The following USP9Y variants were observed in gnomAD, a reference collection of about 807,000 sequenced individuals.
USP9Y encodes ubiquitin specific peptidase 9 Y-linked, also known as ubiquitin carboxyl-terminal hydrolase 9Y.
A neutral mutation model predicts 53.1 loss-of-function variants in USP9Y; 41 were observed. The observed-to-expected ratio is 0.77, with a 90% CI of 0.60 to 1.00. The LOEUF (loss-of-function observed/expected upper bound fraction) is 1.00, where lower values mean the gene tolerates loss of function less well. Ranked by LOEUF, USP9Y falls within the 50% of genes least tolerant of loss-of-function variation. The probability of loss-of-function intolerance (pLI) is 0.00; values close to 1 mark genes in which losing one functional copy is unlikely to be tolerated. For synonymous variants in USP9Y, 220 were observed against 173.7 expected, an observed-to-expected ratio of 1.27 and a Z score of -2.09; for missense variants, 567 against 535.8, an observed-to-expected ratio of 1.06 and a Z score of -0.58.
At chrY:12,702,833 A>G in intron 1 of USP9Y, among the ~76,000 whole-genome samples, 4 of 33,018 alleles carry the variant, frequency 1.2e-4, no homozygotes, top group African/African-American at 2.4e-4. Context: ...ATTAAATTCT[A>G]TAGATTTTTC....
intron 16 of USP9Y, among the ~76,000 whole-genome samples, chrY:12,772,990 A>C: frequency 3.0e-5 from 1 of 32,854 alleles, no homozygotes; most frequent in Non-Finnish European, 7.4e-5. Context: ...CAACCAAATA[A>C]AGAGACTGCT....
At position 12,708,646 on chromosome Y, in the gene USP9Y, C is replaced by T; in HGVS notation, c.-108C>T. The T allele has an allele frequency of 6.0e-5, 2 of 33,306 alleles. No individual in the cohort carries two copies. Among genetic ancestry groups the T allele is most frequent in the Non-Finnish European group, 1.5e-4 (2 of 13,512 alleles). The allele number at this position is 33,306 out of a possible 400,897, so 8.3% of individuals were successfully genotyped here. ...TCCTTATGTTTAGGTATTAAATTTTCACAGTATATATAAGGCAGCAATTGA... is the reference window on the plus strand; with the variant it reads ...TCCTTATGTTTAGGTATTAAATTTTTACAGTATATATAAGGCAGCAATTGA... On this transcript the variant is annotated 5_prime_UTR_variant, in exon 2 of 46. Transcript: ENST00000338981.
intron 3 of USP9Y, among the ~76,000 whole-genome samples, chrY:12,719,080 A>C: frequency 2.9e-5 from 1 of 33,986 alleles, no homozygotes; most frequent in Non-Finnish European, 7.3e-5. Flanking sequence ...AAAATCTTGC[A>C]ATAAAGAAAA....
At chrY:12,805,432 C>G (rs2053523463) in intron 27 of USP9Y, among the ~76,000 whole-genome samples, 1 of 33,207 alleles carries the variant, frequency 3.0e-5, no homozygotes, top group Non-Finnish European at 7.4e-5. Flanking sequence ...GTTGCTTCAG[C>G]AGGAGGAGGA....
intron 30 of USP9Y, among the ~76,000 whole-genome samples, chrY:12,812,137 G>C: frequency 1.2e-4 from 4 of 33,094 alleles, no homozygotes; most frequent in Non-Finnish European, 3.0e-4. Flanking sequence ...TTTTGTTACT[G>C]AACTTCTTAT....
chrY:12,856,594 A>G (rs1204125917), intron 43 of USP9Y, 39 bp from the exon 44 acceptor site: 3 of 385,682 alleles, frequency 7.8e-6, no homozygotes, highest in Non-Finnish European at 1.1e-5. Context: ...GATACTGAAA[A>G]TCATTCTAAA....
rs776569805 is a variant in USP9Y, at chrY:12,834,113, A to G, written c.5195+252A>G. Among the ~76,000 whole-genome samples the G allele has an allele frequency of 1.2e-4, 4 of 32,856 alleles. No individual in the cohort carries two copies. In the South Asian group the frequency reaches 2.0e-3, roughly 17 times the overall value. 88.1% of individuals were successfully genotyped at this position (32,856 alleles called of 37,273 possible). ...CCTGTGTCTTAAAATGGCATTTTCCATAAATCTACACTTATTCTTTAAATA... is the reference window on the plus strand; with the variant it reads ...CCTGTGTCTTAAAATGGCATTTTCCGTAAATCTACACTTATTCTTTAAATA... On this transcript the variant is annotated intron_variant, in intron 34 of 45. Coordinates refer to ENST00000338981, the MANE Select transcript of USP9Y (RefSeq NM_004654.4).
intron 30 of USP9Y, 46 bp from the exon 31 acceptor site, chrY:12,812,784 T>C (rs1440714298): frequency 3.6e-6 from 1 of 277,960 alleles, no homozygotes; most frequent in East Asian, 9.6e-5. Context: ...GTTCCTAACC[T>C]ATATTTTCTA....
intron 22 of USP9Y, among the ~76,000 whole-genome samples, chrY:12,785,911 G>GT (rs2053501161): frequency 1.4e-4 from 4 of 29,272 alleles, no homozygotes; most frequent in East Asian, 8.7e-4. Flanking sequence ...TTGGTTTTGG[G>GT]TTTTTTTTTT....
chrY:12,787,700 T>G, intron 24 of USP9Y, among the ~76,000 whole-genome samples: 2 of 33,518 alleles, frequency 6.0e-5, no homozygotes, highest in Admixed American at 5.4e-4. Flanking sequence ...AAGAAAGTGG[T>G]CTTGTACATG....
intron 22 of USP9Y, 22 bp downstream of exon 22, chrY:12,779,668 CT>C (rs763612619): frequency 5.1e-6 from 2 of 392,435 alleles, no homozygotes; most frequent in Admixed American, 1.5e-4. Flanking sequence ...GTCCATCCCC[CT>C]ATTCCACAGA....
chrY:12,835,208 C>T (rs777739409), intron 34 of USP9Y, among the ~76,000 whole-genome samples: 2 of 32,401 alleles, frequency 6.2e-5, no homozygotes, highest in Admixed American at 5.8e-4. Flanking sequence ...TGCCATAACA[C>T]CCAGCTAAAT....
chrY:12,735,070 CA>C (rs763856999), intron 7 of USP9Y, among the ~76,000 whole-genome samples: 45 of 5,566 alleles, frequency 8.1e-3, no homozygotes, highest in South Asian at 0.028. Context: ...ACTCCGTCTC[CA>C]AAAAAAAAAA....
chrY:12,792,957 A>G lies in USP9Y; in HGVS notation c.3814-75A>G, dbSNP rs752842684. The G allele has an allele frequency of 1.8e-4, 62 of 338,285 alleles. No individual in the cohort carries two copies. In the South Asian group the frequency reaches 1.9e-3, roughly 11 times the overall value. The allele number at this position is 338,285 out of a possible 400,897, so 84.4% of individuals were successfully genotyped here. The stretch of plus-strand genomic sequence containing the variant: ...GTCTTTACCAAGTAGGCAATTGTAA[A>G]TGTTAACCAGAGGGTTTGTGAATTT... On this transcript the variant is annotated intron_variant, in intron 26 of 45. Transcript: ENST00000338981.
chrY:12,811,867 G>A (rs932140540), intron 30 of USP9Y, 86 bp downstream of exon 30: 20 of 228,136 alleles, frequency 8.8e-5, no homozygotes, highest in Non-Finnish European at 1.3e-4. Flanking sequence ...TCAGCTCACC[G>A]CAGCCTCCAC....
chrY:12,717,301 G>C, intron 3 of USP9Y, among the ~76,000 whole-genome samples: 1 of 33,135 alleles, frequency 3.0e-5, no homozygotes, highest in Non-Finnish European at 7.4e-5. Context: ...GAGAAATCTA[G>C]TATCTCATGA....
intron 12 of USP9Y, among the ~76,000 whole-genome samples, chrY:12,750,870 A>T: frequency 3.0e-5 from 1 of 33,288 alleles, no homozygotes; most frequent in Non-Finnish European, 7.4e-5. Context: ...TTTTTAAGAA[A>T]CTGCCAAACT....
At position 12,791,635 on chromosome Y, in the gene USP9Y, T is replaced by G. The variant is rs747387443; in HGVS notation, c.3813+11T>G. 2.7e-6 allele frequency: 1 copy of G among 374,305 alleles called. No homozygotes were observed. The highest frequency in any genetic ancestry group is 3.2e-5 in the South Asian group (1 of 30,920). The allele number at this position is 374,305 out of a possible 400,897, so 93.4% of individuals were successfully genotyped here. On this transcript the variant is annotated intron_variant, in intron 26 of 45. Coordinates refer to ENST00000338981, the MANE Select transcript of USP9Y (RefSeq NM_004654.4). ...AAAATTTATCAGATGGTAAGAATTA[T>G]TACAGAAATAGATTTTTAAGAAAAT...
chrY:12,819,085 A>G, intron 33 of USP9Y, among the ~76,000 whole-genome samples: 1 of 33,440 alleles, frequency 3.0e-5, no homozygotes, highest in East Asian at 7.8e-4. Context: ...AGGCTGAGGC[A>G]GGAGAATCGC....
Sources: gnomAD v4.1 joint callset for allele counts (sites outside exome capture counted in the v4.1 genomes callset) on GRCh38, gnomAD v4.1.1 for gene constraint, MANE v1.5 for transcripts, NCBI Gene and HGNC (gene_info 2026-07-23, HGNC 2026-07-21) for gene names.